The following AGBL1 variants were observed in gnomAD, a reference collection of about 807,000 sequenced individuals.
The protein encoded by AGBL1 is AGBL carboxypeptidase 1.
In AGBL1, 130 loss-of-function variants were observed where a neutral mutation model predicts 118.9. The ratio of observed to expected loss-of-function variants is 1.09; its 90% CI spans 0.95 to 1.26. The LOEUF is 1.26. AGBL1 is among the 50% of genes most tolerant of loss of function. The pLI is 0.00. For synonymous variants in AGBL1, 555 were observed against 478.9 expected (o/e 1.16, Z -2.08); for missense variants, 1,584 against 1,298.1 (o/e 1.22, Z -3.38).
chr15:86,350,825 C>G (rs183323972), intron 17 of AGBL1, among the ~76,000 whole-genome samples: 1 of 152,306 alleles, frequency 6.6e-6, no homozygotes, highest in African/African-American at 2.4e-5. Context: ...GGAATTTATA[C>G]TCTGGCAGCT....
At chr15:87,004,809 A>G (rs2081481154) in intron 24 of AGBL1, among the ~76,000 whole-genome samples, 1 of 152,112 alleles carries the variant, frequency 6.6e-6, no homozygotes, top group Non-Finnish European at 1.5e-5. Context: ...ACAATTTGGC[A>G]TGATTTTGCA....
chr15:86,573,832 G>T (rs2084044229), intron 21 of AGBL1, among the ~76,000 whole-genome samples: 1 of 152,182 alleles, frequency 6.6e-6, no homozygotes, highest in African/African-American at 2.4e-5. Context: ...GACTGATAAA[G>T]AGTAGTAAAA....
chr15:86,901,245 A>G (rs757745744), intron 22 of AGBL1, among the ~76,000 whole-genome samples: 2 of 152,128 alleles, frequency 1.3e-5, no homozygotes, highest in South Asian at 2.1e-4. Context: ...AAAGAGTTCA[A>G]TTGCCTTTGG....
chr15:87,015,374 A>G (rs539505287), intron 24 of AGBL1, among the ~76,000 whole-genome samples: 3 of 151,772 alleles, frequency 2.0e-5, no homozygotes, highest in African/African-American at 7.2e-5. Flanking sequence ...CTATCTATCT[A>G]TCTATCTAGT....
At chr15:86,305,508 G>C (rs140745693) in intron 17 of AGBL1, among the ~76,000 whole-genome samples, 5 of 152,160 alleles carry the variant, frequency 3.3e-5, no homozygotes, top group African/African-American at 4.8e-5. Flanking sequence ...TTAAACATGG[G>C]TGTCTCATAT....
chr15:86,815,815 A>T (rs1274289605), intron 22 of AGBL1, among the ~76,000 whole-genome samples: 1 of 152,152 alleles, frequency 6.6e-6, no homozygotes, highest in East Asian at 1.9e-4. Context: ...ATCACCTTCA[A>T]AGTGTTTGAA....
intron 23 of AGBL1, among the ~76,000 whole-genome samples, chr15:86,966,415 G>C (rs1455128802): frequency 1.3e-5 from 2 of 151,522 alleles, no homozygotes; most frequent in East Asian, 3.9e-4. Context: ...ATTTTGGTGT[G>C]CTGCACCCAG....
At chr15:86,938,691 G>T (rs148010947) in intron 23 of AGBL1, 17 of 152,166 alleles carry the variant, frequency 1.1e-4, no homozygotes, top group Admixed American at 6.5e-5. Flanking sequence ...AGCAGCAGCC[G>T]TAGTTCTAAG....
intron 6 of AGBL1, among the ~76,000 whole-genome samples, chr15:86,235,753 C>G (rs1332775534): frequency 6.6e-6 from 1 of 152,166 alleles, no homozygotes; most frequent in Non-Finnish European, 1.5e-5. Context: ...AACAGTAGTT[C>G]TCAACATGAG....
chr15:86,451,299 C>T (rs2082189515), intron 18 of AGBL1, among the ~76,000 whole-genome samples: 1 of 152,034 alleles, frequency 6.6e-6, no homozygotes, highest in African/African-American at 2.4e-5. Flanking sequence ...TAAATGAAGG[C>T]AGAGGGAAAG....
chr15:86,774,407 T>C (rs1286090431), intron 22 of AGBL1, among the ~76,000 whole-genome samples: 1 of 152,170 alleles, frequency 6.6e-6, no homozygotes, highest in Non-Finnish European at 1.5e-5. Flanking sequence ...ATGGAGTCTT[T>C]AATACATACT....
At chr15:87,026,263 A>G (rs2081725675) in intron 24 of AGBL1, among the ~76,000 whole-genome samples, 1 of 152,116 alleles carries the variant, frequency 6.6e-6, no homozygotes, top group Non-Finnish European at 1.5e-5. Context: ...CATCTAACAA[A>G]GGGCTAATAT....
chr15:86,152,446 A>C (rs1258304733), intron 3 of AGBL1, among the ~76,000 whole-genome samples: 1 of 152,220 alleles, frequency 6.6e-6, no homozygotes, highest in Non-Finnish European at 1.5e-5. Flanking sequence ...TGTTGCTGGG[A>C]AAACTGGCCA....
intron 3 of AGBL1, among the ~76,000 whole-genome samples, chr15:86,145,538 T>G (rs1444305): frequency 6.6e-6 from 1 of 152,188 alleles, no homozygotes; most frequent in Non-Finnish European, 1.5e-5. Context: ...TGATGTCCAG[T>G]GCTATCAGTG....
chr15:86,893,282 C>G (rs1221380386), intron 22 of AGBL1, among the ~76,000 whole-genome samples: 1 of 152,148 alleles, frequency 6.6e-6, no homozygotes, highest in African/African-American at 2.4e-5. Context: ...GTGGCTGCCT[C>G]TTGAGGTCTG....
intron 22 of AGBL1, among the ~76,000 whole-genome samples, chr15:86,821,096 G>A (rs564187455): frequency 1.3e-5 from 2 of 151,806 alleles, no homozygotes; most frequent in South Asian, 2.1e-4. Context: ...TAAACACCAC[G>A]TTTTCTCACT....
intron 18 of AGBL1, among the ~76,000 whole-genome samples, chr15:86,428,542 A>T (rs1245751708): frequency 1.3e-5 from 2 of 152,174 alleles, no homozygotes; most frequent in Non-Finnish European, 2.9e-5. Context: ...AAAGATATGC[A>T]TTGTGTTTTT....
chr15:86,867,595 C>T (rs1176831145), intron 22 of AGBL1, among the ~76,000 whole-genome samples: 1 of 152,050 alleles, frequency 6.6e-6, no homozygotes, highest in African/African-American at 2.4e-5. Flanking sequence ...AGAAACATGT[C>T]ATGTGAGTGA....
intron 6 of AGBL1, among the ~76,000 whole-genome samples, chr15:86,238,550 A>G (rs2078591106): frequency 6.6e-6 from 1 of 152,246 alleles, no homozygotes; most frequent in Non-Finnish European, 1.5e-5. Flanking sequence ...AAAATCAACC[A>G]TATTTTCTCA....
Sources: gnomAD v4.1 joint callset for allele counts (sites outside exome capture counted in the v4.1 genomes callset) on GRCh38, gnomAD v4.1.1 for gene constraint, MANE v1.5 for transcripts, NCBI Gene and HGNC (gene_info 2026-07-23, HGNC 2026-07-21) for gene names.